WDR70: variants seen among roughly 807,000 people sequenced by gnomAD.
WDR70 encodes WD repeat domain 70.
A neutral mutation model predicts 88.6 loss-of-function variants in WDR70; 53 were observed. The ratio of observed to expected loss-of-function variants is 0.60; its 90% CI spans 0.48 to 0.75. The LOEUF (loss-of-function observed/expected upper bound fraction) is 0.75. WDR70 is among the 30% of genes least tolerant of loss of function. The probability of loss-of-function intolerance (pLI) is 0.00; values close to 1 mark genes in which losing one functional copy is unlikely to be tolerated. For missense variants in WDR70, 610 were observed against 823.2 expected (o/e 0.74, Z 3.17); for synonymous variants, 280 against 270.0 (o/e 1.04, Z -0.36).
chr5:37,603,839 T>C (rs1392729693), intron 9 of WDR70, among the ~76,000 whole-genome samples: 1 of 152,236 alleles, frequency 6.6e-6, no homozygotes, highest in African/African-American at 2.4e-5. Context: ...CTTTAGAGTT[T>C]GTAATATACA....
At chr5:37,564,420 G>T (rs966462322) in intron 9 of WDR70, among the ~76,000 whole-genome samples, 1 of 152,150 alleles carries the variant, frequency 6.6e-6, no homozygotes, top group East Asian at 1.9e-4. Context: ...GCAGGCACTG[G>T]GCAGGCTGAG....
chr5:37,721,036 C>G (rs1747795635), intron 13 of WDR70, 79 bp from the exon 14 acceptor site: 4 of 1,169,860 alleles, frequency 3.4e-6, no homozygotes, highest in Admixed American at 1.7e-5. Context: ...ATATAGTAGA[C>G]TAGCCATCAA....
At chr5:37,711,999 T>C (rs1311432054) in intron 13 of WDR70, among the ~76,000 whole-genome samples, 1 of 146,762 alleles carries the variant, frequency 6.8e-6, no homozygotes, top group Admixed American at 6.8e-5. Context: ...TTTTTTTTTT[T>C]TTTTTTTTCT....
chr5:37,568,042 T>C (rs1222707700), intron 9 of WDR70, among the ~76,000 whole-genome samples: 2 of 152,228 alleles, frequency 1.3e-5, no homozygotes, highest in Admixed American at 1.3e-4. Flanking sequence ...GAAAAATACC[T>C]CACTGATATC....
intron 5 of WDR70, among the ~76,000 whole-genome samples, chr5:37,410,019 A>G (rs925963798): frequency 2.6e-5 from 4 of 151,216 alleles, no homozygotes; most frequent in Non-Finnish European, 5.9e-5. Flanking sequence ...TATGTTGCCC[A>G]TTCATTTTCT....
intron 13 of WDR70, among the ~76,000 whole-genome samples, chr5:37,707,497 A>C (rs567287594): frequency 6.6e-6 from 1 of 152,358 alleles, no homozygotes; most frequent in South Asian, 2.1e-4. Flanking sequence ...GAATTAAAAA[A>C]CTAAACCTTT....
chr5:37,414,969 G>C (rs1487478692), intron 5 of WDR70, among the ~76,000 whole-genome samples: 1 of 149,246 alleles, frequency 6.7e-6, no homozygotes, highest in Admixed American at 6.6e-5. Flanking sequence ...TTGAGATTAG[G>C]GAGTGGTGAT....
intron 17 of WDR70, among the ~76,000 whole-genome samples, chr5:37,749,556 T>TC (rs1748739081): frequency 6.7e-6 from 1 of 149,338 alleles, no homozygotes; most frequent in Non-Finnish European, 1.5e-5. Context: ...CTGTTTTTTT[T>TC]TAAGAAGAAA....
chr5:37,437,828 AT>A, intron 5 of WDR70, 93 bp from the exon 6 acceptor site: 1 of 1,255,328 alleles, frequency 8.0e-7, no homozygotes, highest in South Asian at 1.5e-5. Flanking sequence ...CAATGATGCA[AT>A]TTTAAAAAAT....
intron 10 of WDR70, among the ~76,000 whole-genome samples, chr5:37,641,955 A>G (rs987979086): frequency 3.3e-5 from 5 of 152,312 alleles, no homozygotes; most frequent in Admixed American, 6.5e-5. Context: ...ATTAAATGTT[A>G]CTTTAAAAGT....
At chr5:37,545,547 T>TTTTTG (rs1741962076) in intron 9 of WDR70, among the ~76,000 whole-genome samples, 1 of 151,826 alleles carries the variant, frequency 6.6e-6, no homozygotes. Context: ...TTTTGTTTTT[T>TTTTTG]TTTTGAGATA....
At chr5:37,502,351 G>C (rs1229686798) in intron 8 of WDR70, among the ~76,000 whole-genome samples, 1 of 152,072 alleles carries the variant, frequency 6.6e-6, no homozygotes, top group South Asian at 2.1e-4. Flanking sequence ...ACTTGGTCTT[G>C]TTCCAATTCT....
At chr5:37,394,721 A>G (rs1748956164) in intron 4 of WDR70, among the ~76,000 whole-genome samples, 1 of 152,204 alleles carries the variant, frequency 6.6e-6, no homozygotes, top group Admixed American at 6.6e-5. Context: ...GTAACAATCT[A>G]TGGGAAGGGT....
chr5:37,387,944 A>G (rs1182793568), intron 3 of WDR70, among the ~76,000 whole-genome samples: 1 of 152,110 alleles, frequency 6.6e-6, no homozygotes, highest in Non-Finnish European at 1.5e-5. Flanking sequence ...TTGTCTGTAT[A>G]TGGGGGTATG....
intron 8 of WDR70, among the ~76,000 whole-genome samples, chr5:37,513,094 AT>A (rs1184606189): frequency 2.0e-5 from 3 of 152,160 alleles, no homozygotes; most frequent in African/African-American, 7.2e-5. Flanking sequence ...TTTATATTCA[AT>A]TTTTGGTTGT....
chr5:37,430,031 T>C (rs1461140176), intron 5 of WDR70, among the ~76,000 whole-genome samples: 2 of 152,220 alleles, frequency 1.3e-5, no homozygotes, highest in Non-Finnish European at 2.9e-5. Flanking sequence ...CTCAGTAACA[T>C]AGTGTTAAGT....
intron 9 of WDR70, among the ~76,000 whole-genome samples, chr5:37,549,238 T>G (rs1386396443): frequency 3.3e-5 from 5 of 152,344 alleles, no homozygotes; most frequent in African/African-American, 1.2e-4. Flanking sequence ...GTATGGACAT[T>G]TTAACAATAT....
chr5:37,738,623 C>T (rs1748376224), intron 17 of WDR70, among the ~76,000 whole-genome samples: 1 of 152,158 alleles, frequency 6.6e-6, no homozygotes, highest in South Asian at 2.1e-4. Flanking sequence ...TAGAAGATTG[C>T]AGAGGGACTC....
At chr5:37,405,406 A>G (rs1749323295) in intron 5 of WDR70, among the ~76,000 whole-genome samples, 2 of 151,132 alleles carry the variant, frequency 1.3e-5, no homozygotes, top group African/African-American at 4.9e-5. Flanking sequence ...CTGGAGTGCA[A>G]TGGTGCGATT....
Sources: gnomAD v4.1 joint callset for allele counts (sites outside exome capture counted in the v4.1 genomes callset) on GRCh38, gnomAD v4.1.1 for gene constraint, MANE v1.5 for transcripts, NCBI Gene and HGNC (gene_info 2026-07-23, HGNC 2026-07-21) for gene names.